The following TTLL1 variants were observed in gnomAD, a reference collection of about 807,000 sequenced individuals.
The protein encoded by TTLL1 is polyglutamylase complex subunit TTLL1.
A neutral mutation model predicts 47.8 loss-of-function variants in TTLL1; 33 were observed. The observed-to-expected ratio is 0.69, with a 90% CI of 0.52 to 0.92. The LOEUF is 0.92. Ranked by LOEUF, TTLL1 falls within the 40% of genes least tolerant of loss-of-function variation. The probability of loss-of-function intolerance (pLI) is 0.00; values close to 1 mark genes in which losing one functional copy is unlikely to be tolerated. For synonymous variants in TTLL1, 225 were observed against 214.1 expected (o/e 1.05, Z -0.45); for missense variants, 488 against 547.5 (o/e 0.89, Z 1.08).
At chr22:43,085,112 G>C (rs1375178228) in intron 1 of TTLL1, among the ~76,000 whole-genome samples, 1 of 151,912 alleles carries the variant, frequency 6.6e-6, no homozygotes, top group Non-Finnish European at 1.5e-5. Context: ...GAGTAGCTGG[G>C]ACTACAGGCG....
intron 5 of TTLL1, among the ~76,000 whole-genome samples, chr22:43,067,344 T>C (rs1357997580): frequency 1.3e-5 from 2 of 152,182 alleles, no homozygotes; most frequent in East Asian, 3.8e-4. Context: ...AGATGGAGAA[T>C]GTAAGACATG....
chr22:43,082,541 T>C (rs1398222961), intron 1 of TTLL1, among the ~76,000 whole-genome samples: 2 of 146,626 alleles, frequency 1.4e-5, no homozygotes, highest in East Asian at 2.1e-4. Flanking sequence ...CATGGTGAAA[T>C]ACCGTCTCTA....
intron 3 of TTLL1, chr22:43,070,071 G>A: frequency 8.2e-7 from 1 of 1,217,588 alleles, no homozygotes; most frequent in Non-Finnish European, 1.2e-6. Context: ...CTGATTCTGA[G>A]CTGTTTCCCT....
chr22:43,066,680 T>A (rs901003377), intron 5 of TTLL1, among the ~76,000 whole-genome samples: 1 of 134,170 alleles, frequency 7.5e-6, no homozygotes, highest in African/African-American at 3.2e-5. Flanking sequence ...CATGATCCCG[T>A]CTTAAAAAAA....
rs750920689 is a variant in TTLL1 at position 43,069,671 on chromosome 22, G to A, written c.287C>T (p.Ala96Val). 1 of 1,614,122 alleles carries A rather than the reference G, an allele frequency of 6.2e-7. No individual in the cohort carries two copies. The highest frequency in any genetic ancestry group is 8.5e-7 in the Non-Finnish European group (1 of 1,180,032). Residue 96 changes from alanine to valine, a missense_variant, in exon 4 of 11, where the codon GCA (alanine) becomes GTA (valine). Transcript: ENST00000266254. ...KELEKEGSPLAEKDENGKYLY... is the reference protein window; with the variant it reads ...KELEKEGSPLVEKDENGKYLY... ...GTATTTTCCATTTTCATCTTTTTCTGCCAGAGGACTCCCTTCTTTCTCCAG... is the reference window on the plus strand; with the variant it reads ...GTATTTTCCATTTTCATCTTTTTCTACCAGAGGACTCCCTTCTTTCTCCAG...
intron 5 of TTLL1, among the ~76,000 whole-genome samples, chr22:43,064,883 C>A (rs989988559): frequency 1.3e-5 from 2 of 151,916 alleles, no homozygotes; most frequent in African/African-American, 4.8e-5. Context: ...TGGTGGCTCA[C>A]GCCTGTAATC....
intron 1 of TTLL1, among the ~76,000 whole-genome samples, chr22:43,083,781 A>G (rs946288331): frequency 2.0e-5 from 3 of 152,180 alleles, no homozygotes; most frequent in African/African-American, 7.2e-5. Context: ...GGGAATGAGC[A>G]TATCAAACTG....
At chr22:43,084,281 G>A (rs1394856559) in intron 1 of TTLL1, among the ~76,000 whole-genome samples, 1 of 151,684 alleles carries the variant, frequency 6.6e-6, no homozygotes, top group Non-Finnish European at 1.5e-5. Flanking sequence ...CTCCTGAGTA[G>A]CTGGGATTAC....
intron 3 of TTLL1, among the ~76,000 whole-genome samples, chr22:43,070,591 G>A (rs1224920721): frequency 1.3e-5 from 2 of 152,072 alleles, no homozygotes; most frequent in Admixed American, 6.6e-5. Context: ...GGGTTGCTGT[G>A]GATTCCAGGA....
intron 6 of TTLL1, 123 bp from the exon 7 acceptor site, chr22:43,064,044 C>A: frequency 6.7e-7 from 1 of 1,482,198 alleles, no homozygotes. Flanking sequence ...GGCATCGGGC[C>A]TGACTGCTCT....
At chr22:43,058,358 C>G (rs547473422) in intron 8 of TTLL1, among the ~76,000 whole-genome samples, 1 of 152,166 alleles carries the variant, frequency 6.6e-6, no homozygotes, top group Non-Finnish European at 1.5e-5. Flanking sequence ...CGAATGCCAA[C>G]TGAAAACCAG....
At chr22:43,060,383 T>A (rs2146972147) in intron 7 of TTLL1, among the ~76,000 whole-genome samples, 1 of 152,310 alleles carries the variant, frequency 6.6e-6, no homozygotes, top group Non-Finnish European at 1.5e-5. Flanking sequence ...CCAGGACAGC[T>A]CTGCAGGGCC....
Position 43,085,429 on chromosome 22 carries a change from A to G in TTLL1, c.-90+3848T>C, listed in dbSNP as rs193198498. ...CCCAATCTCAACTTGACTTGTAATA[A>G]TCCCCACGAGTCAAGGGCAGGGCAA... On this transcript the variant is annotated intron_variant, in intron 1 of 10. Coordinates refer to ENST00000266254, the MANE Select transcript of TTLL1 (RefSeq NM_012263.5). 5.8e-3 allele frequency among the ~76,000 whole-genome samples: 886 copies of G among 152,322 alleles called. 7 individuals are homozygous for G. Among genetic ancestry groups the G allele is most frequent in the South Asian group, 7.0e-3 (34 of 4,832 alleles).
Position 43,082,472 on chromosome 22 carries a change from T to C in TTLL1, c.-89-2486A>G, listed in dbSNP as rs569939297. On this transcript the variant is annotated intron_variant, in intron 1 of 10. Transcript: ENST00000266254. ...GGCTCATGCCTGTAATCCCAGCACT[T>C]TGGAAGGCTGAGGTGGGTGGATCAC... Among the ~76,000 whole-genome samples the C allele has an allele frequency of 6.6e-5, 10 of 152,210 alleles. No homozygotes were observed. The South Asian group carries it at 1.9e-3, about 28-fold the overall frequency.
chr22:43,088,352 T>C (rs1929383228), intron 1 of TTLL1, among the ~76,000 whole-genome samples: 1 of 104,672 alleles, frequency 9.6e-6, no homozygotes, highest in Non-Finnish European at 1.8e-5. Context: ...TTTTTTTTTT[T>C]TTGAGACAGA....
At chr22:43,056,046 C>T (rs1463106435) in intron 8 of TTLL1, among the ~76,000 whole-genome samples, 1 of 151,932 alleles carries the variant, frequency 6.6e-6, no homozygotes, top group Non-Finnish European at 1.5e-5. Flanking sequence ...TACCTGGCCT[C>T]CACAGAGACT....
chr22:43,051,850 T>C lies in TTLL1; in HGVS notation c.929A>G (p.Tyr310Cys), dbSNP rs1926649407. ...GTCGTCGATGATGATGTCGTAGCCA[T>C]AGCATTCAAAGCAGTGCTTGTCATT... ...MNNDKHCFECYGYDIIIDDKL... is the reference protein window; with the variant it reads ...MNNDKHCFECCGYDIIIDDKL... Residue 310 changes from tyrosine to cysteine, a missense_variant, in exon 9 of 11, where the codon TAT becomes TGT. Coordinates refer to ENST00000266254, the MANE Select transcript of TTLL1 (RefSeq NM_012263.5). 6.2e-7 allele frequency: 1 copy of C among 1,613,912 alleles called. No homozygotes were observed. Among genetic ancestry groups the C allele is most frequent in the Non-Finnish European group, 8.5e-7 (1 of 1,179,982 alleles).
chr22:43,049,091 T>C (rs966199252), intron 9 of TTLL1, among the ~76,000 whole-genome samples: 1 of 150,302 alleles, frequency 6.7e-6, no homozygotes, highest in Non-Finnish European at 1.5e-5. Context: ...TTCTGCAATA[T>C]ATCCATGTAA....
At chr22:43,062,415 T>C (rs996308677) in intron 7 of TTLL1, among the ~76,000 whole-genome samples, 1 of 148,696 alleles carries the variant, frequency 6.7e-6, no homozygotes, top group African/African-American at 2.5e-5. Flanking sequence ...CGCTTGAACC[T>C]GGGAGGCGGA....
Sources: gnomAD v4.1 joint callset for allele counts (sites outside exome capture counted in the v4.1 genomes callset) on GRCh38, gnomAD v4.1.1 for gene constraint, MANE v1.5 for transcripts, NCBI Gene and HGNC (gene_info 2026-07-23, HGNC 2026-07-21) for gene names.